CHD3: variants seen among roughly 807,000 people sequenced by gnomAD.
CHD3 encodes ATP-dependent chromatin remodeler CHD3.
A neutral mutation model predicts 248.9 loss-of-function variants in CHD3; 52 were observed. The observed-to-expected ratio is 0.21, with a 90% confidence interval of 0.17 to 0.26. The LOEUF (loss-of-function observed/expected upper bound fraction) is 0.26. Ranked by LOEUF, CHD3 falls within the 10% of genes least tolerant of loss-of-function variation. The pLI is 1.00. For synonymous variants in CHD3, 985 were observed against 985.2 expected, an observed-to-expected ratio of 1.00 and a Z score of 0.00; for missense variants, 1,482 against 2,605.8, an observed-to-expected ratio of 0.57 and a Z score of 9.39.
In CHD3 at chr17:7,902,738, T is replaced by TA. The variant is rs763000903; in HGVS notation, c.3370+12dup. 9 of 1,608,076 alleles carry TA rather than the reference T, an allele frequency of 5.6e-6. No homozygotes were observed. Among genetic ancestry groups the TA allele is most frequent in the Admixed American group, 1.7e-5 (1 of 59,888 alleles). On this transcript the variant is annotated intron_variant, in intron 21 of 39. Coordinates refer to ENST00000330494, the MANE Select transcript of CHD3 (RefSeq NM_001005273.3). ...TCGATCGGTTTAATGGTGAGGGAGA[T>TA]ACACTGGTCCCTGGTGGGTGTGGGA...
chr17:7,884,931 A>G, upstream of CHD3: 1 of 1,386,282 alleles, frequency 7.2e-7, no homozygotes, highest in East Asian at 3.1e-5. Context: ...GCCGACGAGG[A>G]CGATGAGGAG....
chr17:7,898,700 C>G (rs1969975985), intron 13 of CHD3, 105 bp downstream of exon 13: 2 of 869,554 alleles, frequency 2.3e-6, no homozygotes, highest in Non-Finnish European at 3.6e-6. Context: ...CCTCTGTGAA[C>G]AGTAGCTCTT....
Position 7,909,047 on chromosome 17 carries a change from T to G in CHD3, c.5395-96T>G, listed in dbSNP as rs1971325126. ...AGCTGGGAGTGCCCTGGGCCAGCAG[T>G]GAGGGCAGGGTGGGTCTCTTGCTAT... is the stretch of plus-strand genomic sequence containing the variant. On this transcript the variant is annotated intron_variant, in intron 36 of 39. Coordinates refer to ENST00000330494, the MANE Select transcript of CHD3 (RefSeq NM_001005273.3). This position sits in a 1 kb window ranked among gnomAD's most constrained non-coding sequence, Gnocchi z 8.1. The G allele has an allele frequency of 2.0e-6, 3 of 1,497,722 alleles. No homozygotes were observed. In the Admixed American group the frequency reaches 6.1e-5, roughly 30 times the overall value. 92.8% of individuals were successfully genotyped at this position (1,497,722 alleles called of 1,614,324 possible). A position where few individuals can be genotyped will look rare whatever the true frequency, so the allele number is the denominator to read the frequency against.
At chr17:7,902,584 G>T (rs1339297998) in intron 20 of CHD3, 26 bp from the exon 21 acceptor site, 1 of 1,486,798 alleles carries the variant, frequency 6.7e-7, no homozygotes. Flanking sequence ...CATTATTGCA[G>T]ACTCCATCCT....
chr17:7,906,541 C>T lies in CHD3; in HGVS notation c.4359-12C>T. On this transcript the variant is annotated splice_polypyrimidine_tract_variant and intron_variant, in intron 28 of 39. Transcript: ENST00000330494. The surrounding 1 kb of genome is among the most constrained non-coding windows in gnomAD (Gnocchi z 5.0). ...GCTCCCCTAACCCTCCTCCCACTCC[C>T]ATGCTCCTTAGGGCCTATGTGTCTT... 1 of 1,613,718 alleles carries T rather than the reference C, an allele frequency of 6.2e-7. No individual in the cohort carries two copies. The highest frequency in any genetic ancestry group is 1.1e-5 in the South Asian group (1 of 91,060).
Position 7,904,404 on chromosome 17 carries a change from G to C in CHD3, c.3895-38G>C. On this transcript the variant is annotated intron_variant, in intron 24 of 39. Transcript: ENST00000330494. This position sits in a 1 kb window ranked among gnomAD's most constrained non-coding sequence, Gnocchi z 4.4. ...TTGCAGTGGAAGGATTAGCAAAGAA[G>C]GAGACCCCCAGTGTTCATTCATTCT... is the stretch of plus-strand genomic sequence containing the variant. The C allele has an allele frequency of 6.3e-7, 1 of 1,584,022 alleles. No individual in the cohort carries two copies. The highest frequency in any genetic ancestry group is 8.6e-7 in the Non-Finnish European group (1 of 1,157,834).
chr17:7,911,692 A>G lies in CHD3; in HGVS notation c.*107A>G, dbSNP rs1330639276. ...CTCCACCTTCCCCACCCCTTGGGCCATCACTGGGCTAGGAACCCCTTTGCC... is the reference window on the plus strand; with the variant it reads ...CTCCACCTTCCCCACCCCTTGGGCCGTCACTGGGCTAGGAACCCCTTTGCC... On this transcript the variant is annotated 3_prime_UTR_variant, in exon 40 of 40. Transcript: ENST00000330494. The surrounding 1 kb of genome is among the most constrained non-coding windows in gnomAD (Gnocchi z 5.4). The G allele has an allele frequency of 6.3e-7, 1 of 1,584,406 alleles. No homozygotes were observed. Among genetic ancestry groups the G allele is most frequent in the Non-Finnish European group, 8.6e-7 (1 of 1,164,670 alleles).
chr17:7,902,798 G>T, intron 21 of CHD3, 71 bp downstream of exon 21: 1 of 1,588,460 alleles, frequency 6.3e-7, no homozygotes, highest in Non-Finnish European at 8.6e-7. Context: ...CCTGGGATGG[G>T]AGGGGGACTG....
Position 7,899,771 on chromosome 17 carries a change from C to A in CHD3, c.2545-125C>A. 7 of 1,276,196 alleles carry A rather than the reference C, an allele frequency of 5.5e-6. No individual in the cohort carries two copies. Among genetic ancestry groups the A allele is most frequent in the South Asian group, 1.4e-5 (1 of 71,656 alleles). 79.1% of individuals were successfully genotyped at this position (1,276,196 alleles called of 1,614,324 possible). A position where few individuals can be genotyped will look rare whatever the true frequency, so the allele number is the denominator to read the frequency against. ...AGGTTTAGGAGCCATGGTCTGTAAT[C>A]CCTGCTTGGAGAACAGAGTAATGGC... On this transcript the variant is annotated intron_variant, in intron 15 of 39. Transcript: ENST00000330494. The surrounding 1 kb of genome is among the most constrained non-coding windows in gnomAD (Gnocchi z 6.8).
At chr17:7,898,861 G>A in intron 13 of CHD3, 150 bp from the exon 14 acceptor site, 1 of 735,428 alleles carries the variant, frequency 1.4e-6, no homozygotes, top group Non-Finnish European at 2.3e-6. Context: ...AGGGGGAGGG[G>A]CTGAAGACTA....
In CHD3 at chr17:7,895,065, C is replaced by G; in HGVS notation, c.1418C>G (p.Ala473Gly). 2.5e-6 allele frequency: 4 copies of G among 1,614,114 alleles called. 1 individual carries two copies. The highest frequency in any genetic ancestry group is 3.4e-6 in the Non-Finnish European group (4 of 1,180,020). The change falls in exon 9 of 40, where the codon GCG (alanine) becomes GGG (glycine). Residue 473 changes from alanine (A) to glycine (G), a missense_variant. Ala to Gly is a moderately conservative substitution (Grantham distance 60). Coordinates refer to ENST00000330494, the MANE Select transcript of CHD3 (RefSeq NM_001005273.3). This position sits in a 1 kb window ranked among gnomAD's most constrained non-coding sequence, Gnocchi z 4.9. ...KDGGELLCCD[A>G]CISSYHIHCL... The stretch of plus-strand genomic sequence containing the variant: ...GGCGGGGAGCTCCTGTGCTGTGACG[C>G]GTGCATCTCCTCCTACCACATTCAT...
At chr17:7,894,033 G>A in intron 6 of CHD3, 82 bp from the exon 7 acceptor site, 1 of 1,594,348 alleles carries the variant, frequency 6.3e-7, no homozygotes, top group Admixed American at 1.7e-5. Flanking sequence ...GATCCGTGAG[G>A]GATGGCGGAA....
chr17:7,887,720 C>A (rs1385027892), upstream of CHD3, among the ~76,000 whole-genome samples: 1 of 152,166 alleles, frequency 6.6e-6, no homozygotes, highest in East Asian at 1.9e-4. Context: ...CTTGCTCGGG[C>A]GGCCAGGCTC....
Position 7,904,338 on chromosome 17 carries a change from G to T in CHD3, c.3895-104G>T. ...GCAGAGCCACGAAGCTGCAGGAGTGGGGAGACCGGATTGGGCTGACGCAGC... is the reference window on the plus strand; with the variant it reads ...GCAGAGCCACGAAGCTGCAGGAGTGTGGAGACCGGATTGGGCTGACGCAGC... On this transcript the variant is annotated intron_variant, in intron 24 of 39. Coordinates refer to ENST00000330494, the MANE Select transcript of CHD3 (RefSeq NM_001005273.3). This position sits in a 1 kb window ranked among gnomAD's most constrained non-coding sequence, Gnocchi z 4.4. 1 of 1,071,234 alleles carries T rather than the reference G, an allele frequency of 9.3e-7. No homozygotes were observed. Among genetic ancestry groups the T allele is most frequent in the Non-Finnish European group, 1.4e-6 (1 of 723,280 alleles). 66.4% of individuals were successfully genotyped at this position (1,071,234 alleles called of 1,614,324 possible).
Position 7,908,342 on chromosome 17 carries a change from T to G in CHD3, c.5153-60T>G. 1 of 1,319,400 alleles carries G rather than the reference T, an allele frequency of 7.6e-7. No homozygotes were observed. Among genetic ancestry groups the G allele is most frequent in the Non-Finnish European group, 1.1e-6 (1 of 927,608 alleles). The allele number at this position is 1,319,400 out of a possible 1,614,324, so 81.7% of individuals were successfully genotyped here. A position where few individuals can be genotyped will look rare whatever the true frequency, so the allele number is the denominator to read the frequency against. On this transcript the variant is annotated intron_variant, in intron 34 of 39. Coordinates refer to ENST00000330494, the MANE Select transcript of CHD3 (RefSeq NM_001005273.3). This position sits in a 1 kb window ranked among gnomAD's most constrained non-coding sequence, Gnocchi z 5.8. Reference sequence around the variant, plus strand: ...CAGTTTCTCCATCTCTACCTGTCTGTTGGACTGAGTGCAGTCTGCAAAACC... The same window carrying G: ...CAGTTTCTCCATCTCTACCTGTCTGGTGGACTGAGTGCAGTCTGCAAAACC...
At position 7,911,724 on chromosome 17, in the gene CHD3, T is replaced by C; in HGVS notation, c.*139T>C. 3.9e-6 allele frequency: 6 copies of C among 1,548,058 alleles called. No individual in the cohort carries two copies. Among genetic ancestry groups the C allele is most frequent in the Non-Finnish European group, 5.2e-6 (6 of 1,144,634 alleles). ...GGCTAGGAACCCCTTTGCCCCTCTC[T>C]GCAGCTCCTCTCTTCAAGAAGGGCC... is the stretch of plus-strand genomic sequence containing the variant. On this transcript the variant is annotated 3_prime_UTR_variant, in exon 40 of 40. Coordinates refer to ENST00000330494, the MANE Select transcript of CHD3 (RefSeq NM_001005273.3). This position sits in a 1 kb window ranked among gnomAD's most constrained non-coding sequence, Gnocchi z 5.4.
Position 7,903,884 on chromosome 17 carries a change from C to T in CHD3, c.3787C>T (p.Leu1263=). 2 of 1,614,184 alleles carry T rather than the reference C, an allele frequency of 1.2e-6. No homozygotes were observed. Among genetic ancestry groups the T allele is most frequent in the Non-Finnish European group, 1.7e-6 (2 of 1,180,026 alleles). Residue 1263 remains leucine (L), a synonymous_variant, in exon 24 of 40, where the codon CTG becomes TTG. Coordinates refer to ENST00000330494, the MANE Select transcript of CHD3 (RefSeq NM_001005273.3). The surrounding 1 kb of genome is among the most constrained non-coding windows in gnomAD (Gnocchi z 6.8). ...TTATGACAATGAGGCCATCGCTCGGCTGTTGGACCGGAACCAGGATGCAAC... is the reference window on the plus strand; with the variant it reads ...TTATGACAATGAGGCCATCGCTCGGTTGTTGGACCGGAACCAGGATGCAAC... ...IHYDNEAIAR[L]LDRNQDATED...
chr17:7,894,946 G>A lies in CHD3; in HGVS notation c.1299G>A (p.Lys433=). 1 of 1,613,206 alleles carries A rather than the reference G, an allele frequency of 6.2e-7. No homozygotes were observed. Among genetic ancestry groups the A allele is most frequent in the South Asian group, 1.1e-5 (1 of 91,080 alleles). The change falls in exon 9 of 40, where the codon AAG becomes AAA. Residue 433 remains lysine (K), a synonymous_variant. Transcript: ENST00000330494. ...CEKEGVQWEA[K]EEEEEYEEEG... Reference sequence around the variant, plus strand: ...AGGAGGGGGTCCAGTGGGAGGCCAAGGAGGAAGAAGAAGAATACGAAGAGG... The same window carrying A: ...AGGAGGGGGTCCAGTGGGAGGCCAAAGAGGAAGAAGAAGAATACGAAGAGG...
Position 7,906,256 on chromosome 17 carries a change from C to A in CHD3, c.4358+267C>A. Reference sequence around the variant, plus strand: ...CCTCTCCTGGGCTGTCCTAGCCTCACATTTACTTGACCACAATAACCTGGC... The same window carrying A: ...CCTCTCCTGGGCTGTCCTAGCCTCAAATTTACTTGACCACAATAACCTGGC... On this transcript the variant is annotated intron_variant, in intron 28 of 39. Coordinates refer to ENST00000330494, the MANE Select transcript of CHD3 (RefSeq NM_001005273.3). This position sits in a 1 kb window ranked among gnomAD's most constrained non-coding sequence, Gnocchi z 5.0. The A allele has an allele frequency of 1.4e-6, 1 of 715,482 alleles. No individual in the cohort carries two copies. Among genetic ancestry groups the A allele is most frequent in the Non-Finnish European group, 2.5e-6 (1 of 395,420 alleles). 44.3% of individuals were successfully genotyped at this position (715,482 alleles called of 1,614,324 possible).
Sources: gnomAD v4.1 joint callset for allele counts (sites outside exome capture counted in the v4.1 genomes callset) on GRCh38, gnomAD v4.1.1 for gene constraint, Gnocchi (gnomAD v3.1) non-coding constraint, MANE v1.5 for transcripts, NCBI Gene and HGNC (gene_info 2026-07-23, HGNC 2026-07-21) for gene names.